NKAIN2: variants seen among roughly 807,000 people sequenced by gnomAD.
NKAIN2 encodes sodium/potassium-transporting ATPase subunit beta-1-interacting protein 2.
In NKAIN2, 14 loss-of-function variants were observed where a neutral mutation model predicts 32.6. The observed-to-expected ratio is 0.43, with a 90% CI of 0.28 to 0.67. The LOEUF is 0.67. NKAIN2 is among the 30% of genes least tolerant of loss of function. NKAIN2 has a pLI of 0.17. For synonymous variants in NKAIN2, 80 were observed against 87.2 expected (o/e 0.92, Z 0.46); for missense variants, 198 against 258.3 (o/e 0.77, Z 1.60).
At chr6:124,510,355 G>C (rs1281501931) in intron 3 of NKAIN2, among the ~76,000 whole-genome samples, 4 of 151,874 alleles carry the variant, frequency 2.6e-5, no homozygotes, top group Non-Finnish European at 1.5e-5. Flanking sequence ...GAAGATATTT[G>C]ACTTTTTTTC....
chr6:123,940,181 T>C (rs1313728804), intron 1 of NKAIN2, among the ~76,000 whole-genome samples: 1 of 151,900 alleles, frequency 6.6e-6, no homozygotes, highest in Non-Finnish European at 1.5e-5. Flanking sequence ...AATTCCAGTT[T>C]AGTTGGCCAG....
At chr6:123,850,313 TA>T (rs1775278958) in intron 1 of NKAIN2, among the ~76,000 whole-genome samples, 1 of 145,522 alleles carries the variant, frequency 6.9e-6, no homozygotes, top group African/African-American at 2.6e-5. Flanking sequence ...TTTCCCCGCC[TA>T]ACTGGCTGAT....
At chr6:124,161,600 A>G (rs1357579205) in intron 1 of NKAIN2, among the ~76,000 whole-genome samples, 1 of 152,170 alleles carries the variant, frequency 6.6e-6, no homozygotes, top group African/African-American at 2.4e-5. Context: ...TGACACCTAA[A>G]GTTTATGTTC....
intron 3 of NKAIN2, among the ~76,000 whole-genome samples, chr6:124,511,263 TAGAG>T (rs751173090): frequency 6.6e-6 from 1 of 152,112 alleles, no homozygotes; most frequent in African/African-American, 2.4e-5. Flanking sequence ...TTAGATCAAA[TAGAG>T]AGAAAAACAG....
intron 5 of NKAIN2, among the ~76,000 whole-genome samples, chr6:124,805,180 A>C (rs183741411): frequency 0.019 from 2,893 of 151,948 alleles, 52 homozygotes; most frequent in Non-Finnish European, 0.032. Context: ...AATGGGCAGA[A>C]TGCCTCCTCA....
intron 3 of NKAIN2, among the ~76,000 whole-genome samples, chr6:124,477,644 C>T (rs1777273829): frequency 6.7e-6 from 1 of 149,530 alleles, no homozygotes; most frequent in African/African-American, 2.5e-5. Context: ...TCTTCTTCTC[C>T]TCCCACTTCC....
intron 1 of NKAIN2, among the ~76,000 whole-genome samples, chr6:124,123,308 G>A (rs1322220630): frequency 6.6e-6 from 1 of 152,050 alleles, no homozygotes; most frequent in Non-Finnish European, 1.5e-5. Flanking sequence ...CTAGAGCATT[G>A]GAGGGGAGAA....
intron 2 of NKAIN2, among the ~76,000 whole-genome samples, chr6:124,328,986 G>T (rs1488224506): frequency 2.0e-5 from 3 of 152,108 alleles, no homozygotes; most frequent in African/African-American, 7.2e-5. Context: ...ATTAGTGGTT[G>T]GTTTCTTTTC....
rs1237910615 is a variant in NKAIN2 at position 124,823,468 on chromosome 6, C to T, written c.*239C>T. ...CTGAAACAGACAAATATGCAGGACA[C>T]GCCCATCTTGGATTTCCTGAAAGCA... is the stretch of plus-strand genomic sequence containing the variant. On this transcript the variant is annotated 3_prime_UTR_variant, in exon 7 of 7. Transcript: ENST00000368417. 2.6e-5 allele frequency: 12 copies of T among 462,096 alleles called. No homozygotes were observed. Among genetic ancestry groups the T allele is most frequent in the Middle Eastern group, 5.8e-4 (1 of 1,730 alleles). The allele number at this position is 462,096 out of a possible 1,614,324, so 28.6% of individuals were successfully genotyped here.
intron 1 of NKAIN2, among the ~76,000 whole-genome samples, chr6:123,833,092 A>T (rs1383855517): frequency 6.6e-6 from 1 of 152,128 alleles, no homozygotes; most frequent in Admixed American, 6.5e-5. Context: ...TGTGTTTTAC[A>T]TTTAAATCTC....
intron 3 of NKAIN2, among the ~76,000 whole-genome samples, chr6:124,643,744 A>G (rs975036353): frequency 6.6e-6 from 1 of 152,222 alleles, no homozygotes; most frequent in Non-Finnish European, 1.5e-5. Context: ...CACACTGCCT[A>G]GAAATGAGAA....
intron 3 of NKAIN2, among the ~76,000 whole-genome samples, chr6:124,594,936 T>G (rs1782031180): frequency 1.3e-5 from 2 of 152,134 alleles, no homozygotes; most frequent in African/African-American, 4.8e-5. Context: ...AAAGTGTTTC[T>G]AAGGGACAAA....
intron 1 of NKAIN2, among the ~76,000 whole-genome samples, chr6:123,935,515 T>TTTTATAACA (rs1323174794): frequency 6.6e-6 from 1 of 151,986 alleles, no homozygotes; most frequent in Non-Finnish European, 1.5e-5. Context: ...TCAAATGTTA[T>TTTTATAACA]TTTATAAATT....
chr6:123,892,659 C>A (rs1209031736), intron 1 of NKAIN2, among the ~76,000 whole-genome samples: 2 of 151,946 alleles, frequency 1.3e-5, no homozygotes, highest in Non-Finnish European at 2.9e-5. Context: ...GCTGCTCCTC[C>A]TTCCTTAGGG....
At chr6:124,444,219 G>C (rs1460772886) in intron 3 of NKAIN2, among the ~76,000 whole-genome samples, 1 of 151,982 alleles carries the variant, frequency 6.6e-6, no homozygotes, top group East Asian at 1.9e-4. Context: ...CTAGAATTTG[G>C]ATTAGAAAAT....
intron 3 of NKAIN2, among the ~76,000 whole-genome samples, chr6:124,596,742 T>C (rs970589894): frequency 2.6e-5 from 4 of 151,948 alleles, no homozygotes; most frequent in African/African-American, 9.7e-5. Flanking sequence ...TAAATCTATA[T>C]ATACATGTAT....
At chr6:124,026,500 G>T (rs559269212) in intron 1 of NKAIN2, among the ~76,000 whole-genome samples, 11 of 152,200 alleles carry the variant, frequency 7.2e-5, no homozygotes, top group African/African-American at 2.6e-4. Flanking sequence ...TCCTCAATAT[G>T]CATCTCATCT....
intron 5 of NKAIN2, among the ~76,000 whole-genome samples, chr6:124,804,857 C>T (rs9385346): frequency 4.6e-5 from 7 of 152,080 alleles, no homozygotes; most frequent in South Asian, 2.1e-4. Flanking sequence ...CACCTGGCTC[C>T]GAGGGTCCTA....
rs1354130219 is a variant in NKAIN2, at chr6:124,156,815, G to A, written c.55-126190G>A. On this transcript the variant is annotated intron_variant, in intron 1 of 6. Coordinates refer to ENST00000368417, the MANE Select transcript of NKAIN2 (RefSeq NM_001040214.3). ...AGGAGTACACATGAGAAAAAATGAT[G>A]ACCTGTGGCTGGGCACAGTGGCTCA... Among the ~76,000 whole-genome samples, 4 of 152,010 alleles carry A rather than the reference G, an allele frequency of 2.6e-5. 1 individual carries two copies. The highest frequency in any genetic ancestry group is 2.6e-4 in the Admixed American group (4 of 15,252).
Sources: allele counts gnomAD v4.1 joint callset (sites outside exome capture counted in the v4.1 genomes callset), GRCh38; gene constraint gnomAD v4.1.1; transcripts MANE v1.5; gene names NCBI Gene and HGNC (gene_info 2026-07-23, HGNC 2026-07-21).